The following RNF217 variants were observed in gnomAD, a reference collection of about 807,000 sequenced individuals.
RNF217 encodes the protein E3 ubiquitin-protein ligase RNF217.
Under a neutral mutation model 57.8 loss-of-function variants are expected in RNF217, and 31 were observed. The observed-to-expected ratio is 0.54, with a 90% CI of 0.40 to 0.72. RNF217 has a LOEUF of 0.72. RNF217 is among the 30% of genes least tolerant of loss of function. The pLI is 0.00. For synonymous variants in RNF217, 313 were observed against 294.0 expected (o/e 1.06, Z -0.66); for missense variants, 696 against 708.3 (o/e 0.98, Z 0.20).
At chr6:125,032,028 C>CA (rs1396787837) in intron 1 of RNF217, among the ~76,000 whole-genome samples, 1 of 152,096 alleles carries the variant, frequency 6.6e-6, no homozygotes, top group African/African-American at 2.4e-5. Context: ...GAGGAAGATG[C>CA]AAAAGTGGAA....
At chr6:125,050,029 G>GA (rs929906516) in intron 2 of RNF217, among the ~76,000 whole-genome samples, 11 of 151,776 alleles carry the variant, frequency 7.2e-5, no homozygotes, top group South Asian at 4.2e-4. Context: ...TTACGAAAAT[G>GA]AAAAAAATAT....
In RNF217 at chr6:124,963,170, T is replaced by G. The variant is rs1406270129; in HGVS notation, c.626T>G (p.Leu209Arg). Residue 209 changes from leucine to arginine, a missense_variant, in exon 1 of 6, where the codon CTG (leucine) becomes CGG (arginine). Physicochemically the swap from Leu to Arg is moderately radical, Grantham distance 102. Transcript: ENST00000521654. The stretch of plus-strand genomic sequence containing the variant: ...CGCTCTTCCTTCCCCAGCCCCCGAC[T>G]GTCCCTCCCAACGGATTCCCTCTCC... The part of the protein sequence containing the change: ...STRSSFPSPR[L>R]SLPTDSLSPD... The G allele has an allele frequency of 2.6e-6, 4 of 1,535,900 alleles. No homozygotes were observed. The highest frequency in any genetic ancestry group is 3.5e-6 in the Non-Finnish European group (4 of 1,146,836).
intron 5 of RNF217, among the ~76,000 whole-genome samples, chr6:125,082,183 C>T (rs1054970547): frequency 2.0e-5 from 3 of 152,022 alleles, no homozygotes; most frequent in Admixed American, 1.3e-4. Context: ...CCAGGTGATG[C>T]TCATGCAGCT....
At chr6:125,027,680 T>C (rs1174708772) in intron 1 of RNF217, among the ~76,000 whole-genome samples, 4 of 152,180 alleles carry the variant, frequency 2.6e-5, no homozygotes, top group African/African-American at 9.6e-5. Context: ...AGCAGTGGGA[T>C]TGCTGGATCA....
intron 1 of RNF217, among the ~76,000 whole-genome samples, chr6:124,967,623 C>T (rs2114980362): frequency 6.6e-6 from 1 of 152,252 alleles, no homozygotes; most frequent in South Asian, 2.1e-4. Context: ...ATTTCTTCTA[C>T]AGATTGTGAA....
At chr6:125,044,110 G>T (rs892749443) in intron 1 of RNF217, among the ~76,000 whole-genome samples, 2 of 151,262 alleles carry the variant, frequency 1.3e-5, no homozygotes, top group Admixed American at 6.6e-5. Flanking sequence ...CCCAAACTGC[G>T]TGGCTTTCTC....
intron 3 of RNF217, among the ~76,000 whole-genome samples, chr6:125,061,098 A>T (rs994857423): frequency 1.3e-5 from 2 of 152,150 alleles, no homozygotes; most frequent in African/African-American, 2.4e-5. Flanking sequence ...TCTGGGATTT[A>T]AAAAATTGTG....
intron 3 of RNF217, among the ~76,000 whole-genome samples, chr6:125,062,569 TTG>T (rs1029374813): frequency 3.3e-5 from 5 of 152,046 alleles, no homozygotes; most frequent in African/African-American, 1.2e-4. Context: ...TTCCTTTTGT[TTG>T]TTTGTTTGTT....
At chr6:125,043,040 A>G (rs1388437801) in intron 1 of RNF217, among the ~76,000 whole-genome samples, 3 of 152,048 alleles carry the variant, frequency 2.0e-5, no homozygotes, top group African/African-American at 7.2e-5. Flanking sequence ...ATAGAAAAAC[A>G]TCCAGACTCC....
chr6:125,046,681 CCCTTT>C (rs780768470), intron 2 of RNF217: 8 of 455,730 alleles, frequency 1.8e-5, no homozygotes, highest in Non-Finnish European at 3.5e-5. Flanking sequence ...TGGTCATGTT[CCCTTT>C]CTTGAGAGCA....
chr6:125,058,569 T>C (rs1433239977), intron 3 of RNF217, among the ~76,000 whole-genome samples: 1 of 152,206 alleles, frequency 6.6e-6, no homozygotes, highest in Non-Finnish European at 1.5e-5. Flanking sequence ...GTTTTGCTTT[T>C]TTGCAAATCT....
At chr6:125,047,735 A>T (rs1008107830) in intron 2 of RNF217, among the ~76,000 whole-genome samples, 1 of 152,054 alleles carries the variant, frequency 6.6e-6, no homozygotes, top group Non-Finnish European at 1.5e-5. Context: ...ATTCCTTTTG[A>T]TTAGTAGAGG....
chr6:125,082,873 T>A lies in RNF217; in HGVS notation c.1565T>A (p.Val522Glu). The A allele has an allele frequency of 2.5e-6, 4 of 1,602,410 alleles. No individual in the cohort carries two copies. The highest frequency in any genetic ancestry group is 3.4e-6 in the Non-Finnish European group (4 of 1,175,274). Reference protein sequence around the residue: ...GAIAVVIGLFVFPIYCLCKKQ... With the variant: ...GAIAVVIGLFEFPIYCLCKKQ... ...TTTTTCTTATCCCTAGGTTTATTTG[T>A]ATTTCCTATCTATTGCCTTTGTAAA... Residue 522 changes from valine to glutamate, a missense_variant, in exon 6 of 6, where the codon GTA (valine) becomes GAA (glutamate). By Grantham distance (121) the Val-to-Glu change is moderately radical. This residue lies in a region of RNF217 where 231 missense variants were observed against 321.4 expected (regional missense o/e 0.72). Transcript: ENST00000521654.
intron 1 of RNF217, among the ~76,000 whole-genome samples, chr6:125,029,159 T>C (rs1786238222): frequency 6.6e-6 from 1 of 152,212 alleles, no homozygotes; most frequent in African/African-American, 2.4e-5. Flanking sequence ...GTTTGGAGTA[T>C]ATTCTTTCAG....
chr6:124,971,111 A>G (rs1402563319), intron 1 of RNF217: 1 of 152,304 alleles, frequency 6.6e-6, no homozygotes, highest in Non-Finnish European at 1.5e-5. Flanking sequence ...AACTTGCCCA[A>G]AATCTCAAAG....
Position 125,061,844 on chromosome 6 carries a change from TTTTC to T in RNF217, c.1281+3746_1281+3749del, listed in dbSNP as rs370203134. On this transcript the variant is annotated intron_variant, in intron 3 of 5. Coordinates refer to ENST00000521654, the MANE Select transcript of RNF217 (RefSeq NM_001286398.3). ...TTCAGAAGTTTGATTAAAAGTTCAA[TTTTC>T]TTTCTTTATTTGATTTTTTAATATT... Among the ~76,000 whole-genome samples, 1,164 of 152,100 alleles carry T rather than the reference TTTTC, an allele frequency of 7.7e-3. 15 individuals carry two copies. The highest frequency in any genetic ancestry group is 0.026 in the African/African-American group (1,075 of 41,566).
In RNF217 at chr6:124,963,390, G is replaced by T; in HGVS notation, c.846G>T (p.Val282=). The change falls in exon 1 of 6, where the codon GTG becomes GTT. Residue 282 remains valine, a synonymous_variant. Transcript: ENST00000521654. ...IKPLPCCKKA[V]CEECLKVYLS... is the part of the protein sequence containing the mutation. Reference sequence around the variant, plus strand: ...CCCTGCCTTGCTGCAAGAAGGCCGTGTGCGAGGAGTGCCTCAAAGTCTACC... The same window carrying T: ...CCCTGCCTTGCTGCAAGAAGGCCGTTTGCGAGGAGTGCCTCAAAGTCTACC... The T allele has an allele frequency of 1.3e-6, 2 of 1,500,392 alleles. No individual in the cohort carries two copies. The highest frequency in any genetic ancestry group is 1.8e-6 in the Non-Finnish European group (2 of 1,130,050). The allele number at this position is 1,500,392 out of a possible 1,614,324, so 92.9% of individuals were successfully genotyped here. A position where few individuals can be genotyped will look rare whatever the true frequency, so the allele number is the denominator to read the frequency against.
intron 2 of RNF217, among the ~76,000 whole-genome samples, chr6:125,048,930 G>A (rs966158701): frequency 9.2e-5 from 14 of 151,892 alleles, no homozygotes; most frequent in African/African-American, 3.4e-4. Context: ...AAGTGCATTC[G>A]TGAATTGAGA....
chr6:124,966,104 AG>A (rs1309722502), intron 1 of RNF217, among the ~76,000 whole-genome samples: 1 of 152,240 alleles, frequency 6.6e-6, no homozygotes, highest in African/African-American at 2.4e-5. Context: ...AGCGGACAAA[AG>A]TAACAGGTTT....
Sources: allele counts gnomAD v4.1 joint callset (sites outside exome capture counted in the v4.1 genomes callset), GRCh38; gene constraint gnomAD v4.1.1; regional missense constraint gnomAD v4.1.1; transcripts MANE v1.5; gene names NCBI Gene and HGNC (gene_info 2026-07-23, HGNC 2026-07-21).